Variants in PXDNL observed in about 807,000 individuals in gnomAD.
PXDNL encodes the protein probable oxidoreductase PXDNL.
PXDNL carries 145 observed loss-of-function variants against 150.8 expected under a neutral mutation model. The observed-to-expected ratio is 0.96, with a 90% CI of 0.84 to 1.10. The LOEUF (loss-of-function observed/expected upper bound fraction) is 1.10, where lower values mean the gene tolerates loss of function less well. PXDNL is among the 50% of genes least tolerant of loss of function. PXDNL has a pLI of 0.00. For missense variants in PXDNL, 2,087 were observed against 1,873.9 expected, an observed-to-expected ratio of 1.11 and a Z score of -2.10; for synonymous variants, 757 against 725.7, an observed-to-expected ratio of 1.04 and a Z score of -0.69.
At chr8:51,514,697 A>G (rs1207260364) in intron 4 of PXDNL, among the ~76,000 whole-genome samples, 1 of 152,176 alleles carries the variant, frequency 6.6e-6, no homozygotes, top group Non-Finnish European at 1.5e-5. Flanking sequence ...GTCCATGCCC[A>G]CATCCACTAT....
chr8:51,332,843 A>T (rs531355770), intron 21 of PXDNL, among the ~76,000 whole-genome samples: 2 of 152,262 alleles, frequency 1.3e-5, no homozygotes, highest in Non-Finnish European at 2.9e-5. Context: ...GGATTATGTT[A>T]TATGACCAAA....
intron 17 of PXDNL, among the ~76,000 whole-genome samples, chr8:51,386,874 C>A (rs927521719): frequency 2.6e-5 from 4 of 151,516 alleles, no homozygotes; most frequent in African/African-American, 9.7e-5. Flanking sequence ...AAGTGACAAG[C>A]ATTTTATTTC....
chr8:51,504,187 C>T (rs1303158406), intron 4 of PXDNL, among the ~76,000 whole-genome samples: 7 of 152,174 alleles, frequency 4.6e-5, no homozygotes, highest in Non-Finnish European at 7.4e-5. Context: ...CCCTCGGTTA[C>T]TAAAATACAA....
intron 1 of PXDNL, among the ~76,000 whole-genome samples, chr8:51,763,679 A>T (rs1363172781): frequency 2.0e-5 from 3 of 152,084 alleles, no homozygotes; most frequent in Non-Finnish European, 4.4e-5. Flanking sequence ...GAAAAAAAAA[A>T]TTTATTCCTG....
At chr8:51,431,152 T>C (rs1230303251) in intron 12 of PXDNL, among the ~76,000 whole-genome samples, 1 of 152,208 alleles carries the variant, frequency 6.6e-6, no homozygotes, top group African/African-American at 2.4e-5. Context: ...TAAAGGTCAA[T>C]TGGATCATTA....
intron 16 of PXDNL, among the ~76,000 whole-genome samples, chr8:51,410,115 A>G (rs1324602900): frequency 6.6e-6 from 1 of 152,228 alleles, no homozygotes; most frequent in South Asian, 2.1e-4. Context: ...AGAAATATCA[A>G]TATGGATCAT....
intron 14 of PXDNL, among the ~76,000 whole-genome samples, chr8:51,420,623 A>G (rs1382939252): frequency 6.6e-6 from 1 of 152,260 alleles, no homozygotes; most frequent in African/African-American, 2.4e-5. Context: ...AGAACAGAAT[A>G]TCATTGAATG....
At chr8:51,478,635 G>A (rs576308249) in intron 6 of PXDNL, among the ~76,000 whole-genome samples, 419 of 152,290 alleles carry the variant, frequency 2.8e-3, no homozygotes, top group Non-Finnish European at 4.2e-3. Context: ...AAAGTGCCAC[G>A]CCCAGAGTCA....
chr8:51,581,433 G>A (rs1476921138), intron 3 of PXDNL, among the ~76,000 whole-genome samples: 1 of 152,044 alleles, frequency 6.6e-6, no homozygotes, highest in Non-Finnish European at 1.5e-5. Flanking sequence ...AGGTTGCAGT[G>A]CAGTGAGCTG....
At chr8:51,701,858 T>C (rs1057471328) in intron 1 of PXDNL, among the ~76,000 whole-genome samples, 1 of 152,136 alleles carries the variant, frequency 6.6e-6, no homozygotes, top group African/African-American at 2.4e-5. Context: ...GTCCAGTGGT[T>C]CTTGGATGGG....
chr8:51,616,816 A>G (rs1585623952), intron 2 of PXDNL, among the ~76,000 whole-genome samples: 1 of 152,306 alleles, frequency 6.6e-6, no homozygotes, highest in East Asian at 1.9e-4. Flanking sequence ...GGTCAGTTGA[A>G]TCCAAATTTG....
At chr8:51,628,238 G>A (rs1814403135) in intron 2 of PXDNL, among the ~76,000 whole-genome samples, 1 of 151,950 alleles carries the variant, frequency 6.6e-6, no homozygotes, top group Admixed American at 6.6e-5. Context: ...AGAAAGTAAA[G>A]ACTGAGACAG....
At chr8:51,449,231 T>C (rs1809750837) in intron 10 of PXDNL, 113 bp from the exon 11 acceptor site, 2 of 643,488 alleles carry the variant, frequency 3.1e-6, no homozygotes, top group Non-Finnish European at 2.7e-6. Flanking sequence ...TTGTTTACAA[T>C]TATATATAAA....
chr8:51,778,316 C>G (rs2037376734), intron 1 of PXDNL, among the ~76,000 whole-genome samples: 1 of 151,910 alleles, frequency 6.6e-6, no homozygotes, highest in African/African-American at 2.4e-5. Context: ...TAAACAAAAC[C>G]AGTGAGACCT....
intron 1 of PXDNL, among the ~76,000 whole-genome samples, chr8:51,767,517 A>G (rs920147676): frequency 1.3e-5 from 2 of 152,178 alleles, no homozygotes; most frequent in Non-Finnish European, 2.9e-5. Flanking sequence ...TGAACCAATC[A>G]GTCTCCCATG....
intron 1 of PXDNL, among the ~76,000 whole-genome samples, chr8:51,763,909 G>C (rs1007835609): frequency 1.4e-4 from 21 of 152,126 alleles, no homozygotes; most frequent in Admixed American, 1.3e-3. Context: ...TTAAATGTAT[G>C]GTAGAATTCT....
chr8:51,695,952 C>G (rs922644855), intron 1 of PXDNL, among the ~76,000 whole-genome samples: 1 of 152,160 alleles, frequency 6.6e-6, no homozygotes, highest in African/African-American at 2.4e-5. Context: ...AGGGCTGACA[C>G]AAAGAAGTAC....
chr8:51,453,431 C>T, intron 10 of PXDNL, 88 bp downstream of exon 10: 10 of 1,278,244 alleles, frequency 7.8e-6, no homozygotes, highest in Non-Finnish European at 1.1e-5. Context: ...TATTTCTCCA[C>T]TGATGTACAT....
At position 51,408,675 on chromosome 8, in the gene PXDNL, C is replaced by T; in HGVS notation, c.2949G>A (p.Thr983=). ...LWFREHNRMA[T]ELSALNPHWE... The stretch of plus-strand genomic sequence containing the variant: ...AGTGGGGGTTCAGGGCGGACAGCTC[C>T]GTGGCCATCCTGTTGTGTTCCCGGA... Residue 983 remains threonine, a synonymous_variant, in exon 17 of 23, where the codon ACG becomes ACA. Coordinates refer to ENST00000356297, the MANE Select transcript of PXDNL (RefSeq NM_144651.5). 1.6e-5 allele frequency: 26 copies of T among 1,600,226 alleles called. No individual in the cohort carries two copies. Among genetic ancestry groups the T allele is most frequent in the Non-Finnish European group, 2.1e-5 (25 of 1,173,146 alleles).
Sources: allele counts gnomAD v4.1 joint callset (sites outside exome capture counted in the v4.1 genomes callset), GRCh38; gene constraint gnomAD v4.1.1; transcripts MANE v1.5; gene names NCBI Gene and HGNC (gene_info 2026-07-23, HGNC 2026-07-21).